Variants in FTO observed in about 807,000 individuals in gnomAD.
FTO encodes the protein FTO alpha-ketoglutarate dependent dioxygenase, also known as alpha-ketoglutarate-dependent dioxygenase FTO.
A neutral mutation model predicts 63.9 loss-of-function variants in FTO; 47 were observed. The ratio of observed to expected loss-of-function variants is 0.74; its 90% CI spans 0.58 to 0.94. FTO has a LOEUF of 0.94. Ranked by LOEUF, FTO falls within the 40% of genes least tolerant of loss-of-function variation. FTO has a pLI of 0.00. For missense variants in FTO, 562 were observed against 618.1 expected (o/e 0.91, Z 0.96); for synonymous variants, 207 against 224.4 (o/e 0.92, Z 0.69).
chr16:53,886,213 A>G (rs1474716289), intron 6 of FTO, among the ~76,000 whole-genome samples: 2 of 152,216 alleles, frequency 1.3e-5, no homozygotes, highest in African/African-American at 4.8e-5. Flanking sequence ...ACTGAAATCC[A>G]GTTTCTAGTG....
intron 8 of FTO, among the ~76,000 whole-genome samples, chr16:54,051,264 C>G (rs1220833141): frequency 6.6e-6 from 1 of 152,116 alleles, no homozygotes; most frequent in Non-Finnish European, 1.5e-5. Context: ...GCCCAGCTGG[C>G]CGGTGTCATG....
At chr16:53,946,632 T>C (rs1172693847) in intron 8 of FTO, among the ~76,000 whole-genome samples, 1 of 152,200 alleles carries the variant, frequency 6.6e-6, no homozygotes, top group Non-Finnish European at 1.5e-5. Context: ...TGAAGTCATA[T>C]CTACAAGGAA....
intron 8 of FTO, among the ~76,000 whole-genome samples, chr16:54,017,400 C>T (rs1022653893): frequency 1.3e-5 from 2 of 152,170 alleles, no homozygotes; most frequent in African/African-American, 4.8e-5. Context: ...TCATGAGCTT[C>T]TTTGGGACTC....
intron 8 of FTO, among the ~76,000 whole-genome samples, chr16:54,062,243 C>T (rs550623652): frequency 4.6e-5 from 7 of 152,280 alleles, no homozygotes; most frequent in East Asian, 1.9e-4. Flanking sequence ...TTATTAGTTC[C>T]GGTTAATATT....
chr16:54,007,748 G>A (rs1442999467), intron 8 of FTO, among the ~76,000 whole-genome samples: 1 of 152,228 alleles, frequency 6.6e-6, no homozygotes, highest in Non-Finnish European at 1.5e-5. Flanking sequence ...TGCTGGTCCT[G>A]TGTCGCCAGA....
intron 8 of FTO, among the ~76,000 whole-genome samples, chr16:53,935,134 A>G (rs1315388800): frequency 6.6e-6 from 1 of 152,188 alleles, no homozygotes; most frequent in Non-Finnish European, 1.5e-5. Flanking sequence ...AAATTATTGA[A>G]TTGTCATCCG....
intron 3 of FTO, among the ~76,000 whole-genome samples, chr16:53,836,803 A>G (rs2079306173): frequency 6.6e-6 from 1 of 152,076 alleles, no homozygotes; most frequent in African/African-American, 2.4e-5. Flanking sequence ...TGGCCCCCAA[A>G]TGACTGCCCC....
intron 2 of FTO, among the ~76,000 whole-genome samples, chr16:53,813,803 C>G (rs79698171): frequency 1.3e-5 from 2 of 152,296 alleles, no homozygotes; most frequent in East Asian, 3.9e-4. Context: ...ATCCCCACAA[C>G]AGCCTCATTC....
At chr16:53,934,190 C>A in intron 8 of FTO, 81 bp downstream of exon 8, 1 of 1,499,168 alleles carries the variant, frequency 6.7e-7, no homozygotes, top group Middle Eastern at 2.1e-4. Flanking sequence ...TATGGCTGGC[C>A]TCATCCCTTT....
chr16:53,895,959 GC>G (rs2081269356), intron 7 of FTO, among the ~76,000 whole-genome samples: 1 of 152,068 alleles, frequency 6.6e-6, no homozygotes, highest in South Asian at 2.1e-4. Context: ...GTAGGATTTG[GC>G]TAAATTTTGA....
intron 8 of FTO, among the ~76,000 whole-genome samples, chr16:54,026,811 C>T (rs1341873102): frequency 6.6e-6 from 1 of 152,048 alleles, no homozygotes; most frequent in African/African-American, 2.4e-5. Context: ...TTCTTCTTGC[C>T]CAAAACATTC....
intron 8 of FTO, among the ~76,000 whole-genome samples, chr16:53,943,624 A>C (rs2082588495): frequency 6.6e-6 from 1 of 152,200 alleles, no homozygotes. Flanking sequence ...CTCTTTTCCT[A>C]AGCGGAACTC....
intron 3 of FTO, among the ~76,000 whole-genome samples, chr16:53,840,718 A>ATC (rs2079449807): frequency 6.6e-6 from 1 of 152,184 alleles, no homozygotes; most frequent in South Asian, 2.1e-4. Flanking sequence ...AGTAAGGGTC[A>ATC]CAGACTTTGC....
chr16:54,081,816 C>T (rs2086151930), intron 8 of FTO, among the ~76,000 whole-genome samples: 1 of 152,162 alleles, frequency 6.6e-6, no homozygotes. Flanking sequence ...GAACCCCATT[C>T]TGATGATTAA....
At chr16:54,072,658 G>C (rs1599317761) in intron 8 of FTO, 1 of 152,224 alleles carries the variant, frequency 6.6e-6, no homozygotes, top group African/African-American at 2.4e-5. Flanking sequence ...TAGGTGCAAG[G>C]CATGGTTCAA....
chr16:53,834,035 T>C (rs2079214393), intron 3 of FTO, among the ~76,000 whole-genome samples: 1 of 151,944 alleles, frequency 6.6e-6, no homozygotes, highest in Non-Finnish European at 1.5e-5. Flanking sequence ...TTTTTTTTTA[T>C]TTTTTTTGAG....
At chr16:53,810,334 C>T (rs1247231510) in intron 2 of FTO, 117 bp downstream of exon 2, 7 of 733,092 alleles carry the variant, frequency 9.5e-6, no homozygotes, top group Non-Finnish European at 1.7e-5. Context: ...CAAATTAGAT[C>T]ACCCATGACT....
chr16:53,741,922 G>C (rs1220757848), intron 1 of FTO, among the ~76,000 whole-genome samples: 2 of 152,114 alleles, frequency 1.3e-5, no homozygotes, highest in African/African-American at 2.4e-5. Context: ...ACTCATGTAG[G>C]TTTTGGGAAG....
rs536276171 is a variant in FTO, at chr16:54,112,089, A to G, written c.*174A>G. On this transcript the variant is annotated 3_prime_UTR_variant, in exon 9 of 9. Coordinates refer to ENST00000471389, the MANE Select transcript of FTO (RefSeq NM_001080432.3). ...CCCATGAAGTTTTAAATGTTTTAAAATGACCCTGTGTTATAGTCTGATTTG... is the reference window on the plus strand; with the variant it reads ...CCCATGAAGTTTTAAATGTTTTAAAGTGACCCTGTGTTATAGTCTGATTTG... 1.6e-5 allele frequency: 11 copies of G among 685,926 alleles called. No homozygotes were observed. The highest frequency in any genetic ancestry group is 1.1e-4 in the African/African-American group (6 of 56,150). 42.5% of individuals were successfully genotyped at this position (685,926 alleles called of 1,614,324 possible).
Sources: allele counts gnomAD v4.1 joint callset (sites outside exome capture counted in the v4.1 genomes callset), GRCh38; gene constraint gnomAD v4.1.1; transcripts MANE v1.5; gene names NCBI Gene and HGNC (gene_info 2026-07-23, HGNC 2026-07-21).